MAP2K6: variants seen among roughly 807,000 people sequenced by gnomAD.
The protein encoded by MAP2K6 is dual specificity mitogen-activated protein kinase kinase 6.
In MAP2K6, 16 loss-of-function variants were observed where a neutral mutation model predicts 53.7. That is an observed-to-expected ratio of 0.30 (90% CI 0.20 to 0.45). The LOEUF (loss-of-function observed/expected upper bound fraction) is 0.45. MAP2K6 is among the 20% of genes least tolerant of loss of function. The pLI is 1.00. For synonymous variants in MAP2K6, 132 were observed against 143.1 expected, an observed-to-expected ratio of 0.92 and a Z score of 0.55; for missense variants, 204 against 411.9, an observed-to-expected ratio of 0.50 and a Z score of 4.37.
Position 69,544,921 on chromosome 17 carries a change from G to T in MAP2K6, c.*3168G>T, listed in dbSNP as rs1484524557. ...CTCTGAGATGTGTGTCATCATTTGA[G>T]AATTCTTACTTAGGTTTTGTTGTTG... On this transcript the variant is annotated 3_prime_UTR_variant, in exon 12 of 12. Coordinates refer to ENST00000590474, the MANE Select transcript of MAP2K6 (RefSeq NM_002758.4). 6.6e-6 allele frequency: 1 copy of T among 152,146 alleles called. No homozygotes were observed. The highest frequency in any genetic ancestry group is 2.4e-5 in the African/African-American group (1 of 41,428). The allele number at this position is 152,146 out of a possible 1,614,324, so 9.4% of individuals were successfully genotyped here.
At chr17:69,477,048 G>C (rs1908175859) in intron 1 of MAP2K6, 2 of 152,316 alleles carry the variant, frequency 1.3e-5, no homozygotes, top group Non-Finnish European at 2.9e-5. Flanking sequence ...AGGGCAGATT[G>C]TACCAGAGCC....
intron 3 of MAP2K6, among the ~76,000 whole-genome samples, 192 bp from the exon 4 acceptor site, chr17:69,517,308 G>T (rs992032401): frequency 6.6e-6 from 1 of 152,046 alleles, no homozygotes; most frequent in African/African-American, 2.4e-5. Context: ...GTGGGCTACC[G>T]TGGGAGCTCC....
chr17:69,484,277 A>G (rs541094879), intron 1 of MAP2K6, among the ~76,000 whole-genome samples: 1 of 152,242 alleles, frequency 6.6e-6, no homozygotes, highest in Non-Finnish European at 1.5e-5. Flanking sequence ...AAGGATTTGA[A>G]CAGACATTTT....
rs1466116104 is a variant in MAP2K6 at position 69,546,583 on chromosome 17, A to G, written c.*4830A>G. The G allele has an allele frequency of 1.3e-5, 2 of 152,276 alleles. No homozygotes were observed. Among genetic ancestry groups the G allele is most frequent in the Admixed American group, 1.3e-4 (2 of 15,306 alleles). The allele number at this position is 152,276 out of a possible 1,614,324, so 9.4% of individuals were successfully genotyped here. A position where few individuals can be genotyped will look rare whatever the true frequency, so the allele number is the denominator to read the frequency against. On this transcript the variant is annotated 3_prime_UTR_variant, in exon 12 of 12. Transcript: ENST00000590474. ...CTTTTTTCTTTGGCCTGAAAGGACA[A>G]TGGATACCTAGTTCCTAATTTCCTA...
At chr17:69,526,232 C>G (rs2074029) in intron 9 of MAP2K6, among the ~76,000 whole-genome samples, 89,985 of 152,092 alleles carry the variant, frequency 0.59, 26,808 homozygotes, top group Middle Eastern at 0.71. Context: ...ACTTGTCAGA[C>G]CAAACGTTTG....
chr17:69,446,042 GT>G (rs1448746491), intron 1 of MAP2K6, among the ~76,000 whole-genome samples: 1 of 152,160 alleles, frequency 6.6e-6, no homozygotes, highest in African/African-American at 2.4e-5. Context: ...GGAGTTAAGG[GT>G]TTTAAGCAAG....
intron 1 of MAP2K6, among the ~76,000 whole-genome samples, chr17:69,452,487 T>C (rs1352519033): frequency 6.6e-6 from 1 of 152,114 alleles, no homozygotes; most frequent in Admixed American, 6.6e-5. Context: ...TGTAAGCAAA[T>C]GCGTATCACA....
intron 10 of MAP2K6, 61 bp from the exon 11 acceptor site, chr17:69,536,054 C>A: frequency 8.9e-7 from 1 of 1,119,910 alleles, no homozygotes. Flanking sequence ...GTTCTGAAAT[C>A]CTTGTCTAAT....
intron 9 of MAP2K6, 79 bp downstream of exon 9, chr17:69,525,057 C>T (rs892664547): frequency 4.8e-6 from 6 of 1,241,788 alleles, no homozygotes; most frequent in Non-Finnish European, 7.1e-6. Flanking sequence ...GTTCAAGAAA[C>T]AAATGCCCTA....
chr17:69,509,471 T>A (rs192608914), intron 2 of MAP2K6, among the ~76,000 whole-genome samples: 2 of 152,306 alleles, frequency 1.3e-5, no homozygotes, highest in East Asian at 3.9e-4. Context: ...CAATTGATCT[T>A]CTATTCTGTG....
chr17:69,457,533 G>T (rs1907454362), intron 1 of MAP2K6, among the ~76,000 whole-genome samples: 1 of 152,148 alleles, frequency 6.6e-6, no homozygotes, highest in Non-Finnish European at 1.5e-5. Flanking sequence ...CAACATCAGG[G>T]AGCTTGTTAG....
intron 1 of MAP2K6, among the ~76,000 whole-genome samples, chr17:69,496,437 A>G (rs1226021407): frequency 6.6e-6 from 1 of 150,818 alleles, no homozygotes; most frequent in African/African-American, 2.4e-5. Context: ...CACCCGGCTA[A>G]TTTTTTGTAC....
At chr17:69,490,844 A>G (rs1908715974) in intron 1 of MAP2K6, among the ~76,000 whole-genome samples, 1 of 151,654 alleles carries the variant, frequency 6.6e-6, no homozygotes, top group Non-Finnish European at 1.5e-5. Context: ...CCCATTAGTT[A>G]TTTTTCCTGA....
intron 1 of MAP2K6, among the ~76,000 whole-genome samples, chr17:69,452,565 G>A (rs1037387815): frequency 6.6e-6 from 1 of 152,170 alleles, no homozygotes; most frequent in Non-Finnish European, 1.5e-5. Flanking sequence ...AGATTCACAT[G>A]TCTTTCCCAC....
rs997193598 is a variant in MAP2K6, at chr17:69,531,167, C to T, written c.881+4458C>T. Reference sequence around the variant, plus strand: ...TGTGCTAAGTGGGGAAGGGAGACTACGGATTTCAAAAGTGAAATATTTAAT... The same window carrying T: ...TGTGCTAAGTGGGGAAGGGAGACTATGGATTTCAAAAGTGAAATATTTAAT... On this transcript the variant is annotated intron_variant, in intron 10 of 11. Transcript: ENST00000590474. Among the ~76,000 whole-genome samples the T allele has an allele frequency of 4.6e-5, 7 of 151,838 alleles. No homozygotes were observed. In the East Asian group the frequency reaches 5.8e-4, roughly 13 times the overall value.
chr17:69,470,225 A>C (rs1157330003), intron 1 of MAP2K6, among the ~76,000 whole-genome samples: 1 of 152,190 alleles, frequency 6.6e-6, no homozygotes, highest in Non-Finnish European at 1.5e-5. Context: ...CATAAAGTAG[A>C]AACAATGTAG....
At chr17:69,521,173 C>T in intron 7 of MAP2K6, 73 bp downstream of exon 7, 1 of 1,340,460 alleles carries the variant, frequency 7.5e-7, no homozygotes. Context: ...CCGTCTCTAC[C>T]CCCAGTCCCC....
intron 1 of MAP2K6, among the ~76,000 whole-genome samples, chr17:69,468,601 G>T (rs1354267635): frequency 6.6e-6 from 1 of 152,198 alleles, no homozygotes; most frequent in Non-Finnish European, 1.5e-5. Context: ...AACAAGGGCT[G>T]TCCTTGATGA....
At chr17:69,505,733 T>G (rs1267290049) in intron 1 of MAP2K6, 47 bp from the exon 2 acceptor site, 2 of 1,465,226 alleles carry the variant, frequency 1.4e-6, no homozygotes, top group South Asian at 2.3e-5. Flanking sequence ...CTCTGCTATC[T>G]TGCTATGATT....
Sources: gnomAD v4.1 joint callset for allele counts (sites outside exome capture counted in the v4.1 genomes callset) on GRCh38, gnomAD v4.1.1 for gene constraint, MANE v1.5 for transcripts, NCBI Gene and HGNC (gene_info 2026-07-23, HGNC 2026-07-21) for gene names.